Variants in MYEF2 observed in about 807,000 individuals in gnomAD.
The protein encoded by MYEF2 is myelin expression factor 2, also known as myelin gene expression factor 2.
In MYEF2, 37 loss-of-function variants were observed where a neutral mutation model predicts 75.2. The observed-to-expected ratio is 0.49, with a 90% CI of 0.38 to 0.65. The LOEUF is 0.65. Ranked by LOEUF, MYEF2 falls within the 30% of genes least tolerant of loss-of-function variation. The probability of loss-of-function intolerance (pLI) is 0.00; values close to 1 mark genes in which losing one functional copy is unlikely to be tolerated. For missense variants in MYEF2, 634 were observed against 771.4 expected (o/e 0.82, Z 2.11); for synonymous variants, 195 against 241.6 (o/e 0.81, Z 1.79).
chr15:48,173,984 G>A (rs941966395), intron 1 of MYEF2, among the ~76,000 whole-genome samples: 12 of 151,966 alleles, frequency 7.9e-5, no homozygotes, highest in Admixed American at 3.3e-4. Flanking sequence ...TCACAGAAAC[G>A]GAAAAATTCC....
rs1181164892 is a variant in MYEF2 at position 48,165,963 on chromosome 15, A to T, written c.495T>A (p.Asp165Glu). The change falls in exon 5 of 17, where the codon GAT becomes GAA. Residue 165 changes from aspartate (D) to glutamate (E), a missense_variant. Physicochemically the swap from Asp to Glu is conservative, Grantham distance 45 (BLOSUM62 2). Transcript: ENST00000324324. ...TAATATTAAGGGGTCTTCCACTAAGATCATATTTGTTCATAGTTTCTAGGG... is the reference window on the plus strand; with the variant it reads ...TAATATTAAGGGGTCTTCCACTAAGTTCATATTTGTTCATAGTTTCTAGGG... ...KKALETMNKY[D>E]LSGRPLNIKE... The T allele has an allele frequency of 1.3e-6, 2 of 1,591,266 alleles. No homozygotes were observed. Among genetic ancestry groups the T allele is most frequent in the Non-Finnish European group, 1.7e-6 (2 of 1,166,250 alleles).
Position 48,178,171 on chromosome 15 carries a change from C to A in MYEF2, c.67G>T (p.Ala23Ser). 1.3e-6 allele frequency: 2 copies of A among 1,549,054 alleles called. No individual in the cohort carries two copies. The highest frequency in any genetic ancestry group is 1.2e-5 in the South Asian group (1 of 84,514). Residue 23 changes from alanine (A) to serine (S), a missense_variant, in exon 1 of 17, where the codon GCA becomes TCA. Physicochemically the swap from Ala to Ser is moderately conservative, Grantham distance 99. Transcript: ENST00000324324. ...TGGDSPHLQP[A>S]EPPGEPRREP... The stretch of plus-strand genomic sequence containing the variant: ...CGCCGCGGCTCGCCCGGCGGCTCTG[C>A]GGGCTGCAGGTGCGGGCTGTCGCCA...
Position 48,136,942 on chromosome 15 carries a change from G to A in MYEF2, c.*5966C>T, listed in dbSNP as rs765813689. 6.2e-7 allele frequency: 1 copy of A among 1,609,668 alleles called. No homozygotes were observed. Among genetic ancestry groups the A allele is most frequent in the South Asian group, 1.1e-5 (1 of 90,720 alleles). ...CTCTCAGCTCTCTATAAGTTTACAT[G>A]GCCTTAGTCAGGTTTCTGAAGGTAA... On this transcript the variant is annotated 3_prime_UTR_variant, in exon 17 of 17. Transcript: ENST00000324324.
rs1338640564 is a variant in MYEF2 at position 48,138,390 on chromosome 15, C to T, written c.*4518G>A. On this transcript the variant is annotated 3_prime_UTR_variant, in exon 17 of 17. Transcript: ENST00000324324. The stretch of plus-strand genomic sequence containing the variant: ...ACTTTAGATGATATACTACCTCCTA[C>T]TTTAAGGTTATTTCTATGAACTGTG... 2.0e-5 allele frequency: 3 copies of T among 151,928 alleles called. No individual in the cohort carries two copies. Among genetic ancestry groups the T allele is most frequent in the Non-Finnish European group, 4.4e-5 (3 of 67,922 alleles). 9.4% of individuals were successfully genotyped at this position (151,928 alleles called of 1,614,324 possible). A position where few individuals can be genotyped will look rare whatever the true frequency, so the allele number is the denominator to read the frequency against.
chr15:48,167,231 A>G (rs2040164493), intron 3 of MYEF2, 118 bp downstream of exon 3: 13 of 989,772 alleles, frequency 1.3e-5, no homozygotes, highest in Non-Finnish European at 2.0e-5. Flanking sequence ...CAAATCTTGC[A>G]TAATAAAGTA....
intron 3 of MYEF2, among the ~76,000 whole-genome samples, 177 bp from the exon 4 acceptor site, chr15:48,166,305 A>G (rs546808067): frequency 6.6e-5 from 10 of 152,018 alleles, no homozygotes; most frequent in African/African-American, 2.4e-4. Flanking sequence ...TTTTCTCTAA[A>G]TTTTTAAATA....
rs548476132 is a variant in MYEF2, at chr15:48,153,705, A to T, written c.1087+87T>A. 566 of 1,080,334 alleles carry T rather than the reference A, an allele frequency of 5.2e-4. 8 individuals are homozygous for T. In the South Asian group the frequency reaches 7.6e-3, roughly 15 times the overall value. The allele number at this position is 1,080,334 out of a possible 1,614,324, so 66.9% of individuals were successfully genotyped here. ...ATCTAACTATTAATTAGAGTCCTTT[A>T]AACATTATTACAGACCACATCAATG... On this transcript the variant is annotated intron_variant, in intron 10 of 16. Transcript: ENST00000324324.
At chr15:48,147,482 G>A (rs2039331339) in intron 16 of MYEF2, among the ~76,000 whole-genome samples, 1 of 150,944 alleles carries the variant, frequency 6.6e-6, no homozygotes, top group African/African-American at 2.4e-5. Flanking sequence ...GATTATACTT[G>A]CTGCCACTGT....
intron 1 of MYEF2, among the ~76,000 whole-genome samples, chr15:48,170,702 A>G (rs1416524552): frequency 6.6e-6 from 1 of 152,192 alleles, no homozygotes; most frequent in Non-Finnish European, 1.5e-5. Flanking sequence ...GTTACATAAT[A>G]TATACAGAGC....
At chr15:48,165,594 A>C (rs1272150008) in intron 5 of MYEF2, among the ~76,000 whole-genome samples, 1 of 152,058 alleles carries the variant, frequency 6.6e-6, no homozygotes, top group Non-Finnish European at 1.5e-5. Context: ...CAAGGATATT[A>C]TATTTCTCAA....
At chr15:48,151,745 C>A (rs2039499531) in intron 12 of MYEF2, 129 bp downstream of exon 12, 1 of 1,204,512 alleles carries the variant, frequency 8.3e-7, no homozygotes, top group East Asian at 2.4e-5. Context: ...CCAGGCCTGT[C>A]CTTATCCCCT....
At chr15:48,156,062 G>C (rs931492992) in intron 9 of MYEF2, among the ~76,000 whole-genome samples, 2 of 152,078 alleles carry the variant, frequency 1.3e-5, no homozygotes, top group African/African-American at 4.8e-5. Context: ...ACAGGTGTTA[G>C]CCACCATGCC....
chr15:48,156,359 A>G lies in MYEF2; in HGVS notation c.985+1634T>C, dbSNP rs1217845639. Reference sequence around the variant, plus strand: ...AAACCGACAAATTTCTAACAAAATTAACCAAGAAAAAAATAAAAATTGCAT... The same window carrying G: ...AAACCGACAAATTTCTAACAAAATTGACCAAGAAAAAAATAAAAATTGCAT... On this transcript the variant is annotated intron_variant, in intron 9 of 16. Transcript: ENST00000324324. Among the ~76,000 whole-genome samples the G allele has an allele frequency of 2.0e-5, 3 of 152,154 alleles. No individual in the cohort carries two copies. In the East Asian group the frequency reaches 5.8e-4, roughly 29 times the overall value.
intron 12 of MYEF2, 90 bp from the exon 13 acceptor site, chr15:48,151,661 C>T (rs368547294): frequency 1.8e-5 from 23 of 1,294,676 alleles, no homozygotes; most frequent in South Asian, 1.2e-4. Context: ...TGAAAAGACG[C>T]GTAAGTCACA....
chr15:48,168,636 T>C lies in MYEF2; in HGVS notation c.365A>G (p.Glu122Gly). The C allele has an allele frequency of 6.2e-7, 1 of 1,611,368 alleles. No homozygotes were observed. Among genetic ancestry groups the C allele is most frequent in the Non-Finnish European group, 8.5e-7 (1 of 1,178,036 alleles). The change falls in exon 2 of 17, where the codon GAG (glutamate) becomes GGG (glycine). Residue 122 changes from glutamate (E) to glycine (G), a missense_variant. Transcript: ENST00000324324. The part of the protein sequence containing the change: ...KWQAIKDLMR[E>G]KVGEVTYVEL... ...GTTATTTCAGAGATAGTTACCTTTC[T>C]CTCTCATTAGATCTTTAATAGCTTG...
intron 7 of MYEF2, 33 bp from the exon 8 acceptor site, chr15:48,158,257 T>A: frequency 6.2e-7 from 1 of 1,601,504 alleles, no homozygotes; most frequent in Non-Finnish European, 8.5e-7. Flanking sequence ...TCAGTTAAGA[T>A]AACTATAAAA....
rs749601534 is a variant in MYEF2, at chr15:48,141,113, G to A, written c.*1795C>T. ...AACTTGAAATATCTGTTTATTACAGGGGAAACACTAGAAATTCCCGATACA... is the reference window on the plus strand; with the variant it reads ...AACTTGAAATATCTGTTTATTACAGAGGAAACACTAGAAATTCCCGATACA... On this transcript the variant is annotated 3_prime_UTR_variant, in exon 17 of 17. Transcript: ENST00000324324. 3 of 1,609,580 alleles carry A rather than the reference G, an allele frequency of 1.9e-6. No individual in the cohort carries two copies.
Position 48,140,890 on chromosome 15 carries a change from T to C in MYEF2, c.*2018A>G. ...CTGGCAGAATTTTAGCTGTTACGTA[T>C]CTTTAGATATGTCATTAAAAATCTG... On this transcript the variant is annotated 3_prime_UTR_variant, in exon 17 of 17. Coordinates refer to ENST00000324324, the MANE Select transcript of MYEF2 (RefSeq NM_016132.5). 2.5e-6 allele frequency: 1 copy of C among 406,832 alleles called. No homozygotes were observed. The highest frequency in any genetic ancestry group is 4.5e-6 in the Non-Finnish European group (1 of 220,878). 25.2% of individuals were successfully genotyped at this position (406,832 alleles called of 1,614,324 possible). A position where few individuals can be genotyped will look rare whatever the true frequency, so the allele number is the denominator to read the frequency against.
intron 1 of MYEF2, among the ~76,000 whole-genome samples, chr15:48,176,967 C>G (rs1234944093): frequency 6.6e-6 from 1 of 152,192 alleles, no homozygotes; most frequent in Non-Finnish European, 1.5e-5. Flanking sequence ...GCTACCCCAT[C>G]TTTTTTGCCA....
Sources: gnomAD v4.1 joint callset for allele counts (sites outside exome capture counted in the v4.1 genomes callset) on GRCh38, gnomAD v4.1.1 for gene constraint, MANE v1.5 for transcripts, NCBI Gene and HGNC (gene_info 2026-07-23, HGNC 2026-07-21) for gene names.